KCNQ5: variants seen among roughly 807,000 people sequenced by gnomAD.
The protein encoded by KCNQ5 is potassium voltage-gated channel subfamily KQT member 5.
In KCNQ5, 30 loss-of-function variants were observed where a neutral mutation model predicts 98.2. That is an observed-to-expected ratio of 0.31 (90% CI 0.23 to 0.41). KCNQ5 has a LOEUF of 0.41. Ranked by LOEUF, KCNQ5 falls within the 10% of genes least tolerant of loss-of-function variation. KCNQ5 has a pLI of 1.00. For synonymous variants in KCNQ5, 458 were observed against 449.4 expected, an observed-to-expected ratio of 1.02 and a Z score of -0.24; for missense variants, 835 against 1,182.5, an observed-to-expected ratio of 0.71 and a Z score of 4.31.
At chr6:72,823,955 A>T (rs1775872176) in intron 1 of KCNQ5, among the ~76,000 whole-genome samples, 1 of 152,160 alleles carries the variant, frequency 6.6e-6, no homozygotes, top group Admixed American at 6.6e-5. Context: ...TAGTAAACAC[A>T]TATGTAAAAT....
intron 1 of KCNQ5, among the ~76,000 whole-genome samples, chr6:72,963,654 T>TTTTATTTATTTA (rs144818469): frequency 1.3e-5 from 2 of 152,052 alleles, no homozygotes; most frequent in South Asian, 2.1e-4. Flanking sequence ...ACAGCTTTTA[T>TTTTATTTATTTA]TTTATTTATT....
chr6:72,876,437 A>C (rs1219415387), intron 1 of KCNQ5, among the ~76,000 whole-genome samples: 1 of 152,198 alleles, frequency 6.6e-6, no homozygotes, highest in African/African-American at 2.4e-5. Context: ...AAAAACAATA[A>C]AATCTTCCTA....
intron 13 of KCNQ5, among the ~76,000 whole-genome samples, chr6:73,194,105 G>A (rs963871221): frequency 6.6e-6 from 1 of 152,150 alleles, no homozygotes. Context: ...CAAAGTGCTG[G>A]CATTACAGGC....
chr6:72,935,173 C>G (rs1013700904), intron 1 of KCNQ5, among the ~76,000 whole-genome samples: 2 of 149,034 alleles, frequency 1.3e-5, no homozygotes, highest in African/African-American at 5.0e-5. Context: ...CAGGTTCAAG[C>G]GATTCTCCTG....
At chr6:72,913,380 G>A (rs891498828) in intron 1 of KCNQ5, among the ~76,000 whole-genome samples, 3 of 152,080 alleles carry the variant, frequency 2.0e-5, no homozygotes, top group Admixed American at 1.3e-4. Context: ...CCATGTCAAC[G>A]TAACTACTCC....
chr6:73,172,563 T>G (rs1405091279), intron 11 of KCNQ5, among the ~76,000 whole-genome samples: 1 of 152,190 alleles, frequency 6.6e-6, no homozygotes, highest in Non-Finnish European at 1.5e-5. Flanking sequence ...GTCCTAAATC[T>G]TATGCAGAAG....
At chr6:72,847,050 T>C (rs1041332579) in intron 1 of KCNQ5, among the ~76,000 whole-genome samples, 2 of 152,172 alleles carry the variant, frequency 1.3e-5, no homozygotes, top group African/African-American at 4.8e-5. Context: ...GTAAAGTGGA[T>C]AGTTACTGAT....
At chr6:73,026,763 G>A (rs1389133807) in intron 2 of KCNQ5, among the ~76,000 whole-genome samples, 1 of 152,124 alleles carries the variant, frequency 6.6e-6, no homozygotes, top group South Asian at 2.1e-4. Flanking sequence ...TGTGTATCAG[G>A]CACTGTTCTA....
chr6:72,786,208 C>T (rs1386412779), intron 1 of KCNQ5, among the ~76,000 whole-genome samples: 1 of 152,192 alleles, frequency 6.6e-6, no homozygotes, highest in Non-Finnish European at 1.5e-5. Context: ...GAACCAACCA[C>T]ATTTCAAGTA....
At chr6:72,790,957 T>G (rs919617289) in intron 1 of KCNQ5, among the ~76,000 whole-genome samples, 1 of 152,174 alleles carries the variant, frequency 6.6e-6, no homozygotes, top group East Asian at 1.9e-4. Context: ...GAAATGGTCC[T>G]GGGTCTGGAG....
chr6:72,941,760 A>C (rs2150242272), intron 1 of KCNQ5, among the ~76,000 whole-genome samples: 11 of 116,636 alleles, frequency 9.4e-5, no homozygotes, highest in Non-Finnish European at 1.5e-4. Flanking sequence ...TTTCTCCCTC[A>C]ACTACTGATT....
At chr6:72,986,617 G>T in intron 1 of KCNQ5, 3 of 676,370 alleles carry the variant, frequency 4.4e-6, no homozygotes, top group Non-Finnish European at 7.9e-6. Flanking sequence ...CTGACACCAC[G>T]CTGCGTGCCA....
At chr6:73,088,210 G>T (rs944733363) in intron 5 of KCNQ5, among the ~76,000 whole-genome samples, 5 of 151,734 alleles carry the variant, frequency 3.3e-5, no homozygotes, top group African/African-American at 4.8e-5. Context: ...TAGTGGAGAT[G>T]GAGTTTCACC....
chr6:73,115,704 C>T (rs1049672777), intron 7 of KCNQ5, among the ~76,000 whole-genome samples: 4 of 152,188 alleles, frequency 2.6e-5, no homozygotes, highest in African/African-American at 9.7e-5. Flanking sequence ...AGCACCAAGG[C>T]ACTTTTAGGC....
intron 1 of KCNQ5, among the ~76,000 whole-genome samples, chr6:72,980,489 G>A (rs1425177235): frequency 6.6e-6 from 1 of 152,156 alleles, no homozygotes; most frequent in Non-Finnish European, 1.5e-5. Flanking sequence ...TGTTATTGGT[G>A]TATAGGAATG....
At chr6:72,702,418 GT>G (rs559720217) in intron 1 of KCNQ5, among the ~76,000 whole-genome samples, 2 of 151,510 alleles carry the variant, frequency 1.3e-5, no homozygotes, top group South Asian at 2.1e-4. Flanking sequence ...GAAATACAAG[GT>G]TTTTTTTTCT....
intron 5 of KCNQ5, among the ~76,000 whole-genome samples, chr6:73,082,102 G>A (rs911562687): frequency 1.1e-4 from 16 of 152,204 alleles, no homozygotes; most frequent in South Asian, 4.1e-4. Context: ...TCAAATAAAT[G>A]GTCCAGCTGA....
chr6:72,940,528 G>C (rs1030352521), intron 1 of KCNQ5, among the ~76,000 whole-genome samples: 1 of 152,198 alleles, frequency 6.6e-6, no homozygotes, highest in African/African-American at 2.4e-5. Flanking sequence ...GACAGGCCCA[G>C]TGTGACTAGG....
chr6:72,806,950 A>G, intron 1 of KCNQ5: 5 of 338,142 alleles, frequency 1.5e-5, no homozygotes, highest in South Asian at 6.9e-5. Flanking sequence ...TCAGTTTTAT[A>G]AGCAGCCTTT....
Sources: gnomAD v4.1 joint callset for allele counts (sites outside exome capture counted in the v4.1 genomes callset) on GRCh38, gnomAD v4.1.1 for gene constraint, MANE v1.5 for transcripts, NCBI Gene and HGNC (gene_info 2026-07-23, HGNC 2026-07-21) for gene names.